CELSR1: variants seen among roughly 807,000 people sequenced by gnomAD.
The protein encoded by CELSR1 is adhesion G protein-coupled receptor C1.
CELSR1 carries 110 observed loss-of-function variants against 249.1 expected under a neutral mutation model. The observed-to-expected ratio is 0.44, with a 90% CI of 0.38 to 0.52. CELSR1 has a LOEUF of 0.52. Among genes scored for constraint, CELSR1 ranks in the 20% least tolerant of loss-of-function variants. The pLI, the probability that CELSR1 is intolerant of heterozygous loss-of-function variation, is 0.00. For synonymous variants in CELSR1, 2,113 were observed against 1,900.0 expected (o/e 1.11, Z -2.92); for missense variants, 4,109 against 4,296.4 (o/e 0.96, Z 1.22).
chr22:46,433,301 C>T lies in CELSR1; in HGVS notation c.4611+92G>A. Reference sequence around the variant, plus strand: ...CCACCTGCCTTGGCCTCTCAAAGTGCTGGGATTACAGGCGTGAGCCACTGC... The same window carrying T: ...CCACCTGCCTTGGCCTCTCAAAGTGTTGGGATTACAGGCGTGAGCCACTGC... On this transcript the variant is annotated intron_variant, in intron 5 of 34. Transcript: ENST00000674500. The surrounding 1 kb of genome is among the most constrained non-coding windows in gnomAD (Gnocchi z 5.7). The T allele has an allele frequency of 1.1e-6, 1 of 935,768 alleles. No individual in the cohort carries two copies. The highest frequency in any genetic ancestry group is 2.4e-4 in the Middle Eastern group (1 of 4,124). 58.0% of individuals were successfully genotyped at this position (935,768 alleles called of 1,614,324 possible).
Position 46,399,634 on chromosome 22 carries a change from C to A in CELSR1, c.5412+83G>T. 7.1e-7 allele frequency: 1 copy of A among 1,414,460 alleles called. No individual in the cohort carries two copies. The highest frequency in any genetic ancestry group is 9.9e-7 in the Non-Finnish European group (1 of 1,012,240). 87.6% of individuals were successfully genotyped at this position (1,414,460 alleles called of 1,614,324 possible). A position where few individuals can be genotyped will look rare whatever the true frequency, so the allele number is the denominator to read the frequency against. ...CAAATCCACAAGGTCTCTGGTGGGT[C>A]CTGGCACGTCAAGGGGTCATTCTGT... On this transcript the variant is annotated intron_variant, in intron 10 of 34. Coordinates refer to ENST00000674500, the MANE Select transcript of CELSR1 (RefSeq NM_001378328.1). The surrounding 1 kb of genome is among the most constrained non-coding windows in gnomAD (Gnocchi z 5.0).
intron 14 of CELSR1, among the ~76,000 whole-genome samples, chr22:46,392,506 C>T (rs1163445874): frequency 4.6e-5 from 7 of 152,190 alleles, no homozygotes; most frequent in Admixed American, 2.0e-4. Context: ...AGCTGGGAGG[C>T]GCATGGGGTG....
At position 46,434,379 on chromosome 22, in the gene CELSR1, G is replaced by A. The variant is rs147467871; in HGVS notation, c.4523-898C>T. On this transcript the variant is annotated intron_variant, in intron 4 of 34. Transcript: ENST00000674500. This position sits in a 1 kb window ranked among gnomAD's most constrained non-coding sequence, Gnocchi z 4.9. ...TTCAGGGGCACCAAAGGACAGGTGCGGTGGGTACCAGGTCCCGGGCAGAGA... is the reference window on the plus strand; with the variant it reads ...TTCAGGGGCACCAAAGGACAGGTGCAGTGGGTACCAGGTCCCGGGCAGAGA... Among the ~76,000 whole-genome samples, 16 of 152,266 alleles carry A rather than the reference G, an allele frequency of 1.1e-4. No individual in the cohort carries two copies. Among genetic ancestry groups the A allele is most frequent in the Admixed American group, 6.5e-4 (10 of 15,298 alleles).
In CELSR1 at chr22:46,464,561, C is replaced by T. The variant is rs1398404420; in HGVS notation, c.3545-216G>A. On this transcript the variant is annotated intron_variant, in intron 1 of 34. Coordinates refer to ENST00000674500, the MANE Select transcript of CELSR1 (RefSeq NM_001378328.1). The surrounding 1 kb of genome is among the most constrained non-coding windows in gnomAD (Gnocchi z 8.5). ...ATGACCACCACCTTGACCCTCCCTCCTCCGGCACCCTAACCCCTGCCCTGG... is the reference window on the plus strand; with the variant it reads ...ATGACCACCACCTTGACCCTCCCTCTTCCGGCACCCTAACCCCTGCCCTGG... 6.6e-6 allele frequency among the ~76,000 whole-genome samples: 1 copy of T among 152,082 alleles called. No homozygotes were observed. Among genetic ancestry groups the T allele is most frequent in the Non-Finnish European group, 1.5e-5 (1 of 68,004 alleles).
chr22:46,419,693 T>C (rs191416076), intron 5 of CELSR1, among the ~76,000 whole-genome samples: 28 of 152,302 alleles, frequency 1.8e-4, no homozygotes, highest in African/African-American at 6.7e-4. Context: ...TTACCAAAAA[T>C]GTGTACACTC....
chr22:46,391,791 T>A lies in CELSR1; in HGVS notation c.5990A>T (p.Gln1997Leu), dbSNP rs2079095535. 4 of 1,611,896 alleles carry A rather than the reference T, an allele frequency of 2.5e-6. No individual in the cohort carries two copies. The highest frequency in any genetic ancestry group is 2.7e-5 in the African/African-American group (2 of 74,806). ...CKENYYKLLAQDTCLPCDCFP... is the reference protein window; with the variant it reads ...CKENYYKLLALDTCLPCDCFP... Reference sequence around the variant, plus strand: ...GCAGTCGCAGGGCAGACAGGTGTCCTGGGCTAGGAGCTTGTAGTAATTCTC... The same window carrying A: ...GCAGTCGCAGGGCAGACAGGTGTCCAGGGCTAGGAGCTTGTAGTAATTCTC... The change falls in exon 15 of 35, where the codon CAG becomes CTG. Residue 1997 changes from glutamine (Q) to leucine (L), a missense_variant. This residue lies in a region of CELSR1 where 1,805 missense variants were observed against 1,831.6 expected (regional missense o/e 0.99). Transcript: ENST00000674500. This position sits in a 1 kb window ranked among gnomAD's most constrained non-coding sequence, Gnocchi z 4.3.
intron 2 of CELSR1, among the ~76,000 whole-genome samples, chr22:46,449,194 C>T (rs1438684763): frequency 6.6e-6 from 1 of 151,840 alleles, no homozygotes. Context: ...ACCCATCACA[C>T]ATCCATCCAT....
At position 46,374,970 on chromosome 22, in the gene CELSR1, G is replaced by C. The variant is rs1009811967; in HGVS notation, c.7585-1913C>G. The stretch of plus-strand genomic sequence containing the variant: ...TGGCTGGTCTGACACACGCCTCGGG[G>C]CTCGTCCTTCATGGGCCAGGCCTGG... On this transcript the variant is annotated intron_variant, in intron 24 of 34. Transcript: ENST00000674500. This position sits in a 1 kb window ranked among gnomAD's most constrained non-coding sequence, Gnocchi z 4.3. Among the ~76,000 whole-genome samples the C allele has an allele frequency of 6.6e-6, 1 of 152,150 alleles. No homozygotes were observed. The highest frequency in any genetic ancestry group is 2.4e-5 in the African/African-American group (1 of 41,448).
At chr22:46,496,116 C>G (rs1022166719) in intron 1 of CELSR1, among the ~76,000 whole-genome samples, 5 of 151,486 alleles carry the variant, frequency 3.3e-5, no homozygotes, top group African/African-American at 1.2e-4. Flanking sequence ...ATCACTTGAA[C>G]TCGGGAGGTG....
Position 46,533,932 on chromosome 22 carries a change from G to A in CELSR1, c.3239C>T (p.Pro1080Leu), listed in dbSNP as rs2080819965. 1.9e-6 allele frequency: 3 copies of A among 1,612,960 alleles called. No homozygotes were observed. The highest frequency in any genetic ancestry group is 1.3e-5 in the African/African-American group (1 of 74,918). Reference protein sequence around the residue: ...YVLVVQATSAPLVSRATVHIL... With the variant: ...YVLVVQATSALLVSRATVHIL... The stretch of plus-strand genomic sequence containing the variant: ...GTGCACCGTGGCTCGGCTCACCAGC[G>A]GAGCCGACGTGGCCTGCACCACCAG... The change falls in exon 1 of 35, where the codon CCG becomes CTG. Residue 1080 changes from proline (P) to leucine (L), a missense_variant. Pro to Leu is a moderately conservative substitution (Grantham distance 98). Around this residue, in one of 7 missense-constraint regions of CELSR1, gnomAD observed 886 missense variants for 896.5 expected, o/e 0.99. Coordinates refer to ENST00000674500, the MANE Select transcript of CELSR1 (RefSeq NM_001378328.1).
Position 46,377,161 on chromosome 22 carries a change from A to C in CELSR1, c.7484T>G (p.Met2495Arg). Residue 2495 changes from methionine (M) to arginine (R), a missense_variant, in exon 24 of 35, where the codon ATG becomes AGG. By Grantham distance (91) the Met-to-Arg change is moderately conservative. This residue lies in a region of CELSR1 where 1,805 missense variants were observed against 1,831.6 expected (regional missense o/e 0.99). Transcript: ENST00000674500. The stretch of plus-strand genomic sequence containing the variant: ...AATGCTGTGCAGGTTGGAGCGCAGC[A>C]TGCGGACCAGGCTCAGGAGGACGAA... Reference protein sequence around the residue: ...VAFVLLSLVRMLRSNLHSIHK... With the variant: ...VAFVLLSLVRRLRSNLHSIHK... 6.2e-7 allele frequency: 1 copy of C among 1,613,870 alleles called. No individual in the cohort carries two copies. Among genetic ancestry groups the C allele is most frequent in the South Asian group, 1.1e-5 (1 of 91,078 alleles).
intron 1 of CELSR1, among the ~76,000 whole-genome samples, chr22:46,469,970 A>G (rs2147616034): frequency 1.1e-5 from 1 of 92,404 alleles, no homozygotes; most frequent in African/African-American, 4.0e-5. Flanking sequence ...GAAGAAAGGG[A>G]GGGAGGGAGG....
rs947407911 is a variant in CELSR1, at chr22:46,518,293, G to A, written c.3544+15334C>T. 2.6e-5 allele frequency among the ~76,000 whole-genome samples: 4 copies of A among 152,228 alleles called. No individual in the cohort carries two copies. The highest frequency in any genetic ancestry group is 5.9e-5 in the Non-Finnish European group (4 of 68,040). ...CTGCTATCACAGCAGACCTTACTGA[G>A]GAGTCAGAGCCTGTGGGGGCACCAT... On this transcript the variant is annotated intron_variant, in intron 1 of 34. Coordinates refer to ENST00000674500, the MANE Select transcript of CELSR1 (RefSeq NM_001378328.1). The surrounding 1 kb of genome is among the most constrained non-coding windows in gnomAD (Gnocchi z 5.2).
Position 46,534,954 on chromosome 22 carries a change from T to A in CELSR1, c.2217A>T (p.Arg739Ser), listed in dbSNP as rs759216285. 3.1e-6 allele frequency: 5 copies of A among 1,612,242 alleles called. No individual in the cohort carries two copies. In the African/African-American group the frequency reaches 5.3e-5, roughly 17 times the overall value. The change falls in exon 1 of 35, where the codon AGA becomes AGT. Residue 739 changes from arginine (R) to serine (S), a missense_variant. Coordinates refer to ENST00000674500, the MANE Select transcript of CELSR1 (RefSeq NM_001378328.1). This position sits in a 1 kb window ranked among gnomAD's most constrained non-coding sequence, Gnocchi z 9.7. Reference protein sequence around the residue: ...TRNRFALSSQRGGGLITLALP... With the variant: ...TRNRFALSSQSGGGLITLALP... ...GCGCCAGGGTGATGAGGCCGCCCCC[T>A]CTCTGGCTGCTGAGTGCAAAGCGGT...
In CELSR1 at chr22:46,373,059, T is replaced by G; in HGVS notation, c.7585-2A>C. 6.3e-7 allele frequency: 1 copy of G among 1,596,570 alleles called. No homozygotes were observed. The highest frequency in any genetic ancestry group is 8.5e-7 in the Non-Finnish European group (1 of 1,170,308). On this transcript the variant is annotated splice_acceptor_variant, in intron 24 of 34. Coordinates refer to ENST00000674500, the MANE Select transcript of CELSR1 (RefSeq NM_001378328.1). LOFTEE classifies it high-confidence loss of function. The stretch of plus-strand genomic sequence containing the variant: ...GATGGCAACCACTGTGCACAGAAAC[T>G]GCGCAGGGAGGGGCCGCTCAGCAAG...
Position 46,484,346 on chromosome 22 carries a change from T to G in CELSR1, c.3545-20001A>C, listed in dbSNP as rs537972388. ...GCCCAGCCCAGCCCATGGTGGCAGC[T>G]GCCTCGGGCCCAGCCCTCCTCAGAA... On this transcript the variant is annotated intron_variant, in intron 1 of 34. Coordinates refer to ENST00000674500, the MANE Select transcript of CELSR1 (RefSeq NM_001378328.1). The surrounding 1 kb of genome is among the most constrained non-coding windows in gnomAD (Gnocchi z 4.5). 3.9e-5 allele frequency among the ~76,000 whole-genome samples: 6 copies of G among 152,248 alleles called. 1 individual carries two copies. In the South Asian group the frequency reaches 6.2e-4, roughly 16 times the overall value.
Position 46,409,186 on chromosome 22 carries a change from T to C in CELSR1, c.5060-24A>G. ...GGCTGCGGACACAGGCCCAGGGACC[T>C]CAGGTGTCTCCCGAAATCACACGGC... On this transcript the variant is annotated intron_variant, in intron 8 of 34. Transcript: ENST00000674500. This position sits in a 1 kb window ranked among gnomAD's most constrained non-coding sequence, Gnocchi z 9.8. The C allele has an allele frequency of 6.2e-7, 1 of 1,607,424 alleles. No homozygotes were observed. The highest frequency in any genetic ancestry group is 8.5e-7 in the Non-Finnish European group (1 of 1,177,830).
rs1234122439 is a variant in CELSR1, at chr22:46,536,283, G to A, written c.888C>T (p.Phe296=). The A allele has an allele frequency of 6.2e-7, 1 of 1,612,628 alleles. No individual in the cohort carries two copies. Among genetic ancestry groups the A allele is most frequent in the East Asian group, 2.2e-5 (1 of 44,866 alleles). The part of the protein sequence containing the change: ...GLFDERSRGY[F]RIDSATGAVS... The stretch of plus-strand genomic sequence containing the variant: ...CGGCGCCCGTGGCAGAGTCGATTCG[G>A]AAGTAGCCCCGGGAGCGCTCGTCGA... Residue 296 remains phenylalanine (F), a synonymous_variant, in exon 1 of 35, where the codon TTC becomes TTT. Transcript: ENST00000674500.
In CELSR1 at chr22:46,500,154, C is replaced by A; in HGVS notation, c.3544+33473G>T. Among the ~76,000 whole-genome samples, 1 of 145,090 alleles carries A rather than the reference C, an allele frequency of 6.9e-6. No individual in the cohort carries two copies. Among genetic ancestry groups the A allele is most frequent in the East Asian group, 2.0e-4 (1 of 5,104 alleles). ...CCTGGTCCTCCCAGCATGATCCCAC[C>A]CCAGCCCCTGGTCCTCCCAGCATGA... On this transcript the variant is annotated intron_variant, in intron 1 of 34. Coordinates refer to ENST00000674500, the MANE Select transcript of CELSR1 (RefSeq NM_001378328.1). This position sits in a 1 kb window ranked among gnomAD's most constrained non-coding sequence, Gnocchi z 4.9.
Sources: allele counts gnomAD v4.1 joint callset (sites outside exome capture counted in the v4.1 genomes callset), GRCh38; gene constraint gnomAD v4.1.1; regional missense constraint gnomAD v4.1.1; non-coding constraint Gnocchi (gnomAD v3.1); transcripts MANE v1.5; gene names NCBI Gene and HGNC (gene_info 2026-07-23, HGNC 2026-07-21).